Variants in STK31 observed in about 807,000 individuals in gnomAD.
The protein encoded by STK31 is serine/threonine-protein kinase 31.
In STK31, 89 loss-of-function variants were observed where a neutral mutation model predicts 129.7. That is an observed-to-expected ratio of 0.69 (90% confidence interval 0.58 to 0.82). The LOEUF (loss-of-function observed/expected upper bound fraction) is 0.82, where lower values mean the gene tolerates loss of function less well. STK31 is among the 40% of genes least tolerant of loss of function. The pLI is 0.00. For synonymous variants in STK31, 448 were observed against 395.3 expected (o/e 1.13, Z -1.58); for missense variants, 1,187 against 1,176.4 (o/e 1.01, Z -0.13).
intron 15 of STK31, among the ~76,000 whole-genome samples, chr7:23,779,754 G>A (rs1233382984): frequency 6.6e-6 from 1 of 152,202 alleles, no homozygotes; most frequent in African/African-American, 2.4e-5. Flanking sequence ...TCAAGCTAGT[G>A]GATCTTAGCT....
intron 18 of STK31, 133 bp downstream of exon 18, chr7:23,785,736 C>T (rs1787417425): frequency 8.6e-7 from 1 of 1,158,796 alleles, no homozygotes; most frequent in Non-Finnish European, 1.1e-6. Context: ...GATAATTGTG[C>T]TTGTAGTTTG....
intron 23 of STK31, among the ~76,000 whole-genome samples, chr7:23,815,872 G>A (rs1793440315): frequency 7.0e-6 from 1 of 142,572 alleles, no homozygotes; most frequent in Non-Finnish European, 1.6e-5. Context: ...AAGAAAGGGG[G>A]AATTCAGTAT....
intron 13 of STK31, among the ~76,000 whole-genome samples, chr7:23,770,738 T>G (rs973336973): frequency 8.5e-5 from 13 of 152,144 alleles, no homozygotes; most frequent in Admixed American, 7.9e-4. Context: ...CCCTTGTAGC[T>G]AGGACTACAG....
At chr7:23,803,379 A>G (rs540304052) in intron 22 of STK31, among the ~76,000 whole-genome samples, 1 of 152,344 alleles carries the variant, frequency 6.6e-6, no homozygotes, top group East Asian at 1.9e-4. Flanking sequence ...AGAAATAGCA[A>G]TAATAAAAAA....
At chr7:23,808,224 A>AG (rs1792842891) in intron 22 of STK31, among the ~76,000 whole-genome samples, 2 of 151,186 alleles carry the variant, frequency 1.3e-5, no homozygotes, top group African/African-American at 4.9e-5. Context: ...AGATGGGGTT[A>AG]GATATGTAGT....
chr7:23,766,269 C>A (rs1034161320), intron 11 of STK31, among the ~76,000 whole-genome samples: 10 of 152,018 alleles, frequency 6.6e-5, no homozygotes, highest in Non-Finnish European at 1.3e-4. Flanking sequence ...CATTTTATTT[C>A]TTTATTTATT....
chr7:23,750,744 T>A (rs1308018852), intron 8 of STK31, among the ~76,000 whole-genome samples: 1 of 152,208 alleles, frequency 6.6e-6, no homozygotes, highest in African/African-American at 2.4e-5. Flanking sequence ...ATTTTATTTT[T>A]TTCTTGGTAC....
At chr7:23,788,820 A>G (rs1054361537) in intron 21 of STK31, among the ~76,000 whole-genome samples, 6 of 152,178 alleles carry the variant, frequency 3.9e-5, no homozygotes, top group African/African-American at 1.4e-4. Flanking sequence ...AGCTTTATTG[A>G]GATACAATTC....
chr7:23,737,162 C>G (rs890122474), intron 8 of STK31, 84 bp downstream of exon 8: 1 of 1,237,666 alleles, frequency 8.1e-7, no homozygotes, highest in Non-Finnish European at 1.1e-6. Flanking sequence ...CTGTCACTTT[C>G]CTTTCCTTCC....
At chr7:23,736,033 T>G (rs2128080285) in intron 7 of STK31, 137 bp downstream of exon 7, 1 of 683,010 alleles carries the variant, frequency 1.5e-6, no homozygotes, top group Admixed American at 2.9e-5. Context: ...TTTCTGTTTT[T>G]CTCAAATGTA....
chr7:23,762,410 G>A (rs1376933843), intron 10 of STK31, among the ~76,000 whole-genome samples: 3 of 152,022 alleles, frequency 2.0e-5, no homozygotes, highest in African/African-American at 7.2e-5. Context: ...ACAGCCTGTT[G>A]GACAAATTGG....
intron 11 of STK31, among the ~76,000 whole-genome samples, chr7:23,767,698 C>T (rs886652418): frequency 2.0e-5 from 3 of 152,162 alleles, no homozygotes; most frequent in African/African-American, 7.2e-5. Flanking sequence ...TTGCATAAAC[C>T]TGTTGCCTCT....
At chr7:23,753,068 A>G (rs1258580302) in intron 9 of STK31, among the ~76,000 whole-genome samples, 1 of 152,214 alleles carries the variant, frequency 6.6e-6, no homozygotes, top group Non-Finnish European at 1.5e-5. Flanking sequence ...ACTGAAATTG[A>G]AAAAACAGCA....
chr7:23,721,766 G>A, intron 4 of STK31: 1 of 691,298 alleles, frequency 1.4e-6, no homozygotes, highest in Non-Finnish European at 2.7e-6. Context: ...CCTTTCCCAA[G>A]TGTTTTGTCC....
At chr7:23,712,308 A>G (rs777135446) in intron 3 of STK31, 22 bp downstream of exon 3, 3 of 1,606,698 alleles carry the variant, frequency 1.9e-6, no homozygotes, top group South Asian at 2.2e-5. Context: ...ACTGGTTGAT[A>G]TCCCCCCTCA....
At chr7:23,803,598 A>G (rs1204654894) in intron 22 of STK31, among the ~76,000 whole-genome samples, 1 of 152,110 alleles carries the variant, frequency 6.6e-6, no homozygotes, top group African/African-American at 2.4e-5. Flanking sequence ...AAACGTTTAA[A>G]TTAGGTTTGG....
chr7:23,724,417 G>T (rs1786926075), intron 4 of STK31, among the ~76,000 whole-genome samples: 1 of 152,190 alleles, frequency 6.6e-6, no homozygotes, highest in Non-Finnish European at 1.5e-5. Flanking sequence ...GAGAAGCAAG[G>T]CTAGGTGATT....
chr7:23,782,025 G>A (rs1238032498), intron 16 of STK31, among the ~76,000 whole-genome samples: 1 of 152,182 alleles, frequency 6.6e-6, no homozygotes, highest in Non-Finnish European at 1.5e-5. Context: ...GGGGGCAGGA[G>A]AAGTTACATC....
At chr7:23,710,946 C>G (rs1381983874) in intron 1 of STK31, among the ~76,000 whole-genome samples, 1 of 152,158 alleles carries the variant, frequency 6.6e-6, no homozygotes, top group Non-Finnish European at 1.5e-5. Context: ...AATTTAAAAA[C>G]TGCTTTTTGA....
Sources: allele counts gnomAD v4.1 joint callset (sites outside exome capture counted in the v4.1 genomes callset), GRCh38; gene constraint gnomAD v4.1.1; transcripts MANE v1.5; gene names NCBI Gene and HGNC (gene_info 2026-07-23, HGNC 2026-07-21).